Variants in NFASC observed in about 807,000 individuals in gnomAD.
NFASC encodes neurofascin.
Under a neutral mutation model 147.5 loss-of-function variants are expected in NFASC, and 43 were observed. The observed-to-expected ratio is 0.29, with a 90% CI of 0.23 to 0.38. The LOEUF is 0.38. Among genes scored for constraint, NFASC ranks in the 10% least tolerant of loss-of-function variants. The probability of loss-of-function intolerance (pLI) is 1.00; values close to 1 mark genes in which losing one functional copy is unlikely to be tolerated. For missense variants in NFASC, 1,320 were observed against 1,689.0 expected (o/e 0.78, Z 3.83); for synonymous variants, 622 against 665.5 (o/e 0.93, Z 1.01).
intron 28 of NFASC, among the ~76,000 whole-genome samples, chr1:205,011,213 C>CCCCCAA (rs530040240): frequency 1.3e-5 from 2 of 151,848 alleles, no homozygotes; most frequent in African/African-American, 4.8e-5. Flanking sequence ...CAGGACCCCC[C>CCCCCAA]CCAAAACTCA....
At chr1:204,972,920 TGAA>T (rs2095300909) in intron 11 of NFASC, among the ~76,000 whole-genome samples, 1 of 152,198 alleles carries the variant, frequency 6.6e-6, no homozygotes, top group African/African-American at 2.4e-5. Context: ...ACAAGGAAAC[TGAA>T]GCTCACAGAG....
chr1:204,946,284 T>C (rs1261281492), intron 3 of NFASC: 1 of 508,396 alleles, frequency 2.0e-6, no homozygotes, highest in African/African-American at 1.9e-5. Context: ...AAGTGCTGCA[T>C]GTGCCTCATC....
intron 1 of NFASC, among the ~76,000 whole-genome samples, chr1:204,861,078 C>CTTTTT (rs1162020795): frequency 1.5e-5 from 1 of 68,948 alleles, no homozygotes; most frequent in Non-Finnish European, 2.5e-5. Context: ...ACTTGCTTTC[C>CTTTTT]TTTTTTTTTT....
At position 204,939,038 on chromosome 1, in the gene NFASC, ATGTGTGTG is replaced by A. The variant is rs60166382; in HGVS notation, c.-90-5146_-90-5139del. On this transcript the variant is annotated intron_variant, in intron 2 of 29. Transcript: ENST00000339876. ...TTCTCTTTTCTTCCTGTATGGATGG[ATGTGTGTG>A]TGTGTGTGTGTGTGTGTGTGTGTGT... 1.8e-3 allele frequency among the ~76,000 whole-genome samples: 217 copies of A among 123,744 alleles called. 1 individual carries two copies. The highest frequency in any genetic ancestry group is 5.1e-3 in the African/African-American group (168 of 32,860). The allele number at this position is 123,744 out of a possible 152,430, so 81.2% of individuals were successfully genotyped here. A position where few individuals can be genotyped will look rare whatever the true frequency, so the allele number is the denominator to read the frequency against.
intron 2 of NFASC, among the ~76,000 whole-genome samples, chr1:204,928,757 T>C (rs1408300910): frequency 2.0e-5 from 3 of 152,154 alleles, no homozygotes; most frequent in Non-Finnish European, 4.4e-5. Context: ...ACCCAGCTAG[T>C]TGTGGTGTGG....
chr1:204,970,874 T>C lies in NFASC; in HGVS notation c.1135+127T>C, dbSNP rs757624845. The C allele has an allele frequency of 2.6e-6, 3 of 1,174,698 alleles. No individual in the cohort carries two copies. In the South Asian group the frequency reaches 4.2e-5, roughly 17 times the overall value. The allele number at this position is 1,174,698 out of a possible 1,614,324, so 72.8% of individuals were successfully genotyped here. On this transcript the variant is annotated intron_variant, in intron 11 of 29. Transcript: ENST00000339876. The stretch of plus-strand genomic sequence containing the variant: ...GAAGAGAGAAGCCCACTGGTGGCTG[T>C]TTCTCAGCTGCCCATCTCTTCAGAC...
chr1:204,958,989 A>T (rs1451136767), intron 8 of NFASC, among the ~76,000 whole-genome samples: 1 of 151,180 alleles, frequency 6.6e-6, no homozygotes, highest in Non-Finnish European at 1.5e-5. Flanking sequence ...ACACAGCCCC[A>T]TGCTCCATTT....
intron 1 of NFASC, among the ~76,000 whole-genome samples, chr1:204,887,402 A>G (rs138534180): frequency 6.6e-6 from 1 of 152,250 alleles, no homozygotes; most frequent in Non-Finnish European, 1.5e-5. Flanking sequence ...ATCCATTGTC[A>G]ATGGACATTT....
intron 1 of NFASC, among the ~76,000 whole-genome samples, chr1:204,880,075 T>C (rs1266339356): frequency 6.6e-6 from 1 of 152,206 alleles, no homozygotes; most frequent in East Asian, 1.9e-4. Context: ...CTCAGCTAGT[T>C]ATCTCAGTAG....
At chr1:204,860,623 A>G (rs2076578210) in intron 1 of NFASC, among the ~76,000 whole-genome samples, 1 of 152,268 alleles carries the variant, frequency 6.6e-6, no homozygotes, top group Non-Finnish European at 1.5e-5. Context: ...GTTTTAAAGT[A>G]TGCAATTCAG....
At position 204,906,840 on chromosome 1, in the gene NFASC, T is replaced by C. The variant is rs576644355; in HGVS notation, c.-199-13792T>C. ...CTGGGACTACAGGCACCCGCCACCC[T>C]GCCCGGCTAATTTTTTGTATTTTTA... is the stretch of plus-strand genomic sequence containing the variant. On this transcript the variant is annotated intron_variant, in intron 1 of 29. Transcript: ENST00000339876. 8.1e-4 allele frequency among the ~76,000 whole-genome samples: 124 copies of C among 152,206 alleles called. 1 individual carries two copies. The highest frequency in any genetic ancestry group is 5.1e-3 in the Admixed American group (78 of 15,294).
chr1:204,890,622 T>C (rs2082200371), intron 1 of NFASC, among the ~76,000 whole-genome samples: 3 of 150,540 alleles, frequency 2.0e-5, no homozygotes, highest in African/African-American at 7.4e-5. Context: ...CAGGCTAAAA[T>C]ATAATAGCAT....
intron 21 of NFASC, chr1:204,984,331 A>ATGTG (rs10641235): frequency 5.6e-4 from 194 of 346,512 alleles, no homozygotes; most frequent in Middle Eastern, 1.7e-3. Flanking sequence ...TTATATATAT[A>ATGTG]TGTGTGTGTG....
At chr1:204,862,460 G>T (rs1203646744) in intron 1 of NFASC, among the ~76,000 whole-genome samples, 1 of 152,234 alleles carries the variant, frequency 6.6e-6, no homozygotes, top group Non-Finnish European at 1.5e-5. Flanking sequence ...TAAAAGATCA[G>T]CTGGAAGGCT....
chr1:204,994,956 T>C (rs1480029933), intron 24 of NFASC, among the ~76,000 whole-genome samples: 1 of 151,968 alleles, frequency 6.6e-6, no homozygotes, highest in Non-Finnish European at 1.5e-5. Context: ...CTACAAGAAA[T>C]ACACAAATTA....
Position 204,979,575 on chromosome 1 carries a change from C to T in NFASC, c.2176+16C>T, listed in dbSNP as rs2095473617. 3.1e-6 allele frequency: 5 copies of T among 1,612,310 alleles called. No individual in the cohort carries two copies. In the East Asian group the frequency reaches 1.1e-4, roughly 36 times the overall value. ...AGTGGAGCACGTGAGTACCCGAGGGCTGCCAGAGAAGGCTCCGGAACCCCG... is the reference window on the plus strand; with the variant it reads ...AGTGGAGCACGTGAGTACCCGAGGGTTGCCAGAGAAGGCTCCGGAACCCCG... On this transcript the variant is annotated intron_variant, in intron 19 of 29. Transcript: ENST00000339876. This position sits in a 1 kb window ranked among gnomAD's most constrained non-coding sequence, Gnocchi z 6.0.
At chr1:204,883,100 T>C (rs917599494) in intron 1 of NFASC, among the ~76,000 whole-genome samples, 1 of 152,086 alleles carries the variant, frequency 6.6e-6, no homozygotes, top group South Asian at 2.1e-4. Flanking sequence ...AAGCCGATCT[T>C]AAACAGTAGT....
Position 204,843,907 on chromosome 1 carries a change from C to T in NFASC, c.-200+15125C>T, listed in dbSNP as rs577991119. On this transcript the variant is annotated intron_variant, in intron 1 of 29. Coordinates refer to ENST00000339876, the MANE Select transcript of NFASC (RefSeq NM_001005388.3). Reference sequence around the variant, plus strand: ...TGTATTTTTACAAAATTAGTAGATACGGGGGTTTTTAGTACAGACGGGGTT... The same window carrying T: ...TGTATTTTTACAAAATTAGTAGATATGGGGGTTTTTAGTACAGACGGGGTT... Among the ~76,000 whole-genome samples, 6 of 152,024 alleles carry T rather than the reference C, an allele frequency of 3.9e-5. 1 individual carries two copies. Among genetic ancestry groups the T allele is most frequent in the Middle Eastern group, 6.8e-3 (2 of 294 alleles).
In NFASC at chr1:204,997,330, TACA is replaced by T; in HGVS notation, c.2946_2948del (p.Thr984del). Reference sequence around the variant, plus strand: ...CCACCACCACCGTCGCCACAACTACTACAACCACTGCTGCCGCCACCACCACCA... The same window carrying T: ...CCACCACCACCGTCGCCACAACTACTACCACTGCTGCCGCCACCACCACCA... On this transcript the variant is annotated inframe_deletion, in exon 25 of 30. Coordinates refer to ENST00000339876, the MANE Select transcript of NFASC (RefSeq NM_001005388.3). 6.4e-7 allele frequency: 1 copy of T among 1,572,592 alleles called. No homozygotes were observed. The highest frequency in any genetic ancestry group is 1.1e-5 in the South Asian group (1 of 87,122).
Sources: gnomAD v4.1 joint callset for allele counts (sites outside exome capture counted in the v4.1 genomes callset) on GRCh38, gnomAD v4.1.1 for gene constraint, Gnocchi (gnomAD v3.1) non-coding constraint, MANE v1.5 for transcripts, NCBI Gene and HGNC (gene_info 2026-07-23, HGNC 2026-07-21) for gene names.